The following INSC variants were observed in gnomAD, a reference collection of about 807,000 sequenced individuals.
INSC encodes the protein INSC spindle orientation adaptor protein.
A neutral mutation model predicts 58.6 loss-of-function variants in INSC; 67 were observed. The observed-to-expected ratio is 1.14, with a 90% confidence interval of 0.94 to 1.40. INSC has a LOEUF of 1.40. INSC is among the 40% of genes most tolerant of loss of function. INSC has a pLI of 0.00. For synonymous variants in INSC, 262 were observed against 276.1 expected (o/e 0.95, Z 0.51); for missense variants, 714 against 692.0 (o/e 1.03, Z -0.36).
chr11:15,218,588 A>T (rs1851314737), intron 7 of INSC, among the ~76,000 whole-genome samples: 1 of 152,136 alleles, frequency 6.6e-6, no homozygotes, highest in Non-Finnish European at 1.5e-5. Flanking sequence ...ACATATATAT[A>T]TTTCCCTTTT....
intron 5 of INSC, among the ~76,000 whole-genome samples, chr11:15,183,346 C>A (rs1157216543): frequency 7.9e-6 from 1 of 126,612 alleles, no homozygotes; most frequent in Non-Finnish European, 1.6e-5. Flanking sequence ...AGCAAAACTC[C>A]ATCTCAAAAA....
the INSC span, among the ~76,000 whole-genome samples, chr11:15,258,878 A>G: frequency 6.6e-6 from 1 of 152,298 alleles, no homozygotes; most frequent in South Asian, 2.1e-4. Flanking sequence ...AACAATCACT[A>G]TTCTATGATA....
intron 1 of INSC, among the ~76,000 whole-genome samples, chr11:15,122,415 C>A (rs546398777): frequency 6.6e-6 from 1 of 152,120 alleles, no homozygotes; most frequent in Non-Finnish European, 1.5e-5. Flanking sequence ...ACACAGTGAC[C>A]GGTGAATGCA....
intron 7 of INSC, among the ~76,000 whole-genome samples, chr11:15,213,146 T>G (rs1851091927): frequency 6.6e-6 from 1 of 152,008 alleles, no homozygotes; most frequent in Non-Finnish European, 1.5e-5. Context: ...AGGAGTTTTT[T>G]TTTTTTAATT....
At chr11:15,239,176 G>T in intron 11 of INSC, 102 bp downstream of exon 11, 1 of 1,410,680 alleles carries the variant, frequency 7.1e-7, no homozygotes, top group Non-Finnish European at 9.5e-7. Flanking sequence ...GGCAAGAGCT[G>T]GCTGGCATAA....
chr11:15,224,205 C>T (rs1851547874), intron 8 of INSC, among the ~76,000 whole-genome samples: 1 of 152,140 alleles, frequency 6.6e-6, no homozygotes, highest in Non-Finnish European at 1.5e-5. Flanking sequence ...AGTGAGTAAA[C>T]AAGAAATGGT....
chr11:15,157,755 G>A (rs886430864), intron 2 of INSC, among the ~76,000 whole-genome samples: 2 of 152,158 alleles, frequency 1.3e-5, no homozygotes, highest in African/African-American at 2.4e-5. Context: ...TGGCGGCACC[G>A]TGACTGTGGC....
chr11:15,243,537 G>A (rs1332770048), intron 12 of INSC, among the ~76,000 whole-genome samples: 1 of 152,048 alleles, frequency 6.6e-6, no homozygotes, highest in Non-Finnish European at 1.5e-5. Flanking sequence ...GGTTGGCAAG[G>A]GTGCAGGGTC....
chr11:15,264,225 G>T, the INSC span, among the ~76,000 whole-genome samples: 1 of 129,658 alleles, frequency 7.7e-6, no homozygotes, highest in East Asian at 2.3e-4. Flanking sequence ...CCTCTCTCTG[G>T]TCCTCTATCT....
At chr11:15,252,467 T>C in the INSC span, among the ~76,000 whole-genome samples, 12 of 152,210 alleles carry the variant, frequency 7.9e-5, no homozygotes, top group Non-Finnish European at 1.3e-4. Context: ...GCTTTCAAGG[T>C]TGCTCACTCA....
chr11:15,253,974 A>G, the INSC span, among the ~76,000 whole-genome samples: 2 of 152,216 alleles, frequency 1.3e-5, no homozygotes, highest in Admixed American at 6.5e-5. Context: ...GAAGAATTGA[A>G]GGAGCCTTTC....
rs530249417 is a variant in INSC, at chr11:15,246,934, A to G, written c.*894A>G. ...ACTCAGTGACCTTGCGTTGGTAGCC[A>G]TGAGCTACTTCATGAGCCCTCATGT... is the stretch of plus-strand genomic sequence containing the variant. On this transcript the variant is annotated 3_prime_UTR_variant, in exon 13 of 13. Coordinates refer to ENST00000379556, the MANE Select transcript of INSC (RefSeq NM_001042536.3). 1 of 152,192 alleles carries G rather than the reference A, an allele frequency of 6.6e-6. No homozygotes were observed. 9.4% of individuals were successfully genotyped at this position (152,192 alleles called of 1,614,324 possible). A position where few individuals can be genotyped will look rare whatever the true frequency, so the allele number is the denominator to read the frequency against.
the INSC span, among the ~76,000 whole-genome samples, chr11:15,260,024 G>A: frequency 6.6e-6 from 1 of 152,096 alleles, no homozygotes; most frequent in Non-Finnish European, 1.5e-5. Context: ...AAAAAGTGAA[G>A]GCCAAATTGA....
At chr11:15,237,019 C>A (rs1377965243) in intron 10 of INSC, among the ~76,000 whole-genome samples, 1 of 152,156 alleles carries the variant, frequency 6.6e-6, no homozygotes, top group Non-Finnish European at 1.5e-5. Context: ...AGTGGGTCTC[C>A]ATAGGCCTGT....
chr11:15,134,007 T>C (rs1056551694), intron 1 of INSC, among the ~76,000 whole-genome samples: 8 of 117,946 alleles, frequency 6.8e-5, no homozygotes, highest in Non-Finnish European at 1.6e-4. Flanking sequence ...TTGATATGCC[T>C]CTCTAAAAGA....
Position 15,240,514 on chromosome 11 carries a change from G to T in INSC, c.1461G>T (p.Val487=). Residue 487 remains valine, a synonymous_variant, in exon 12 of 13, where the codon GTG becomes GTT. Coordinates refer to ENST00000379556, the MANE Select transcript of INSC (RefSeq NM_001042536.3). ...GGAACAGCAGTGACGCCGTGCTTGTGGCCTGCCTGGTGAGTTCTCAGTCTT... is the reference window on the plus strand; with the variant it reads ...GGAACAGCAGTGACGCCGTGCTTGTTGCCTGCCTGGTGAGTTCTCAGTCTT... ...SERNSSDAVL[V]ACLAALRRLA... is the part of the protein sequence containing the mutation. 1 of 1,613,288 alleles carries T rather than the reference G, an allele frequency of 6.2e-7. No individual in the cohort carries two copies. Among genetic ancestry groups the T allele is most frequent in the Non-Finnish European group, 8.5e-7 (1 of 1,179,696 alleles).
At chr11:15,261,883 G>T in the INSC span, among the ~76,000 whole-genome samples, 3 of 152,086 alleles carry the variant, frequency 2.0e-5, no homozygotes, top group Non-Finnish European at 4.4e-5. Context: ...GAATCAGGCT[G>T]GACTGATTTA....
rs1564914313 is a variant in INSC, at chr11:15,225,828, G to C, written c.1170G>C (p.Gln390His). ...TGGACACGCCTTACACTCGGGACCA[G>C]GTAAGACGCCCAGAAGGCACTGAGC... ...QRVDTPYTRD[Q>H]IVTILANMSV... Residue 390 changes from glutamine (Q) to histidine (H), a missense_variant and splice_region_variant, in exon 9 of 13, where the codon CAG becomes CAC. Gln to His is a conservative substitution (Grantham distance 24). Transcript: ENST00000379556. 6.2e-7 allele frequency: 1 copy of C among 1,611,296 alleles called. No individual in the cohort carries two copies. The highest frequency in any genetic ancestry group is 8.5e-7 in the Non-Finnish European group (1 of 1,178,716).
rs191193134 is a variant in INSC at position 15,198,374 on chromosome 11, G to A, written c.694-2450G>A. ...CCTGGTAGCTAAAAGTGCTAAGAAG[G>A]CCATTTTTCACAGGCTTGAGAGAGA... On this transcript the variant is annotated intron_variant, in intron 6 of 12. Coordinates refer to ENST00000379556, the MANE Select transcript of INSC (RefSeq NM_001042536.3). 1.3e-3 allele frequency among the ~76,000 whole-genome samples: 202 copies of A among 152,238 alleles called. 1 individual carries two copies. The highest frequency in any genetic ancestry group is 4.4e-3 in the African/African-American group (184 of 41,538).
Sources: allele counts gnomAD v4.1 joint callset (sites outside exome capture counted in the v4.1 genomes callset), GRCh38; gene constraint gnomAD v4.1.1; transcripts MANE v1.5; gene names NCBI Gene and HGNC (gene_info 2026-07-23, HGNC 2026-07-21).